CPA3: variants seen among roughly 807,000 people sequenced by gnomAD.
The protein encoded by CPA3 is carboxypeptidase A3, also known as mast cell carboxypeptidase A.
In CPA3, 52 loss-of-function variants were observed where a neutral mutation model predicts 55.8. That is an observed-to-expected ratio of 0.93 (90% CI 0.75 to 1.17). The LOEUF is 1.17. CPA3 is among the 50% of genes most tolerant of loss of function. The pLI is 0.00. For synonymous variants in CPA3, 179 were observed against 171.2 expected (o/e 1.05, Z -0.36); for missense variants, 547 against 509.1 (o/e 1.07, Z -0.72).
chr3:148,866,533 C>A lies in CPA3; in HGVS notation c.144+985C>A, dbSNP rs573571931. Among the ~76,000 whole-genome samples, 6 of 152,322 alleles carry A rather than the reference C, an allele frequency of 3.9e-5. No homozygotes were observed. In the South Asian group the frequency reaches 1.2e-3, roughly 32 times the overall value. On this transcript the variant is annotated intron_variant, in intron 2 of 10. Coordinates refer to ENST00000296046, the MANE Select transcript of CPA3 (RefSeq NM_001870.4). ...GTCATTACTAAGAAGCAGCCTAGTA[C>A]GGAAAAAGCATTTTCTTCAAAGTCA...
intron 3 of CPA3, among the ~76,000 whole-genome samples, chr3:148,869,587 A>G (rs1714003222): frequency 6.6e-6 from 1 of 152,226 alleles, no homozygotes. Flanking sequence ...CAGAGAAAGC[A>G]CAAGCAGAGC....
At chr3:148,882,691 T>C in intron 8 of CPA3, 96 bp downstream of exon 8, 1 of 903,974 alleles carries the variant, frequency 1.1e-6, no homozygotes, top group Non-Finnish European at 1.8e-6. Flanking sequence ...AAAATAGTTA[T>C]GCTTTGAGTG....
At chr3:148,866,753 C>T (rs996280046) in intron 2 of CPA3, among the ~76,000 whole-genome samples, 3 of 151,942 alleles carry the variant, frequency 2.0e-5, no homozygotes, top group Non-Finnish European at 2.9e-5. Context: ...ACCATAGAAG[C>T]GTTTTTTGTT....
intron 2 of CPA3, among the ~76,000 whole-genome samples, chr3:148,868,364 T>C (rs1713964077): frequency 6.6e-6 from 1 of 152,132 alleles, no homozygotes; most frequent in Admixed American, 6.6e-5. Flanking sequence ...TGGACCCTCA[T>C]TTGCCCCATT....
chr3:148,868,888 T>C lies in CPA3; in HGVS notation c.145-27T>C, dbSNP rs1157004294. ...AAGTGTTGGGTAAGCAAATAAACTC[T>C]GACTAACATTGAGCTTATCTCTGCA... On this transcript the variant is annotated intron_variant, in intron 2 of 10. Transcript: ENST00000296046. 4 of 1,607,834 alleles carry C rather than the reference T, an allele frequency of 2.5e-6. No individual in the cohort carries two copies. In the Admixed American group the frequency reaches 5.0e-5, roughly 20 times the overall value.
At chr3:148,867,877 A>G (rs189729606) in intron 2 of CPA3, among the ~76,000 whole-genome samples, 11 of 152,218 alleles carry the variant, frequency 7.2e-5, no homozygotes, top group African/African-American at 2.6e-4. Context: ...AATCTTTTCA[A>G]TGTTTGCTTT....
At chr3:148,877,961 A>C (rs917624915) in intron 3 of CPA3, among the ~76,000 whole-genome samples, 1 of 152,206 alleles carries the variant, frequency 6.6e-6, no homozygotes, top group Non-Finnish European at 1.5e-5. Context: ...ATAGCAGTAC[A>C]ATACGAGCCA....
intron 2 of CPA3, among the ~76,000 whole-genome samples, chr3:148,866,921 T>C (rs987341741): frequency 6.6e-6 from 1 of 152,038 alleles, no homozygotes; most frequent in Admixed American, 6.5e-5. Context: ...CATCCCCGGC[T>C]AATTTTTGTG....
Position 148,878,025 on chromosome 3 carries a change from G to A in CPA3, c.270-416G>A, listed in dbSNP as rs544995198. On this transcript the variant is annotated intron_variant, in intron 3 of 10. Coordinates refer to ENST00000296046, the MANE Select transcript of CPA3 (RefSeq NM_001870.4). ...ACATTAAAAAAGTAAAAAGCAACAGGTAAAATTAACTGTAGCAATACATTT... is the reference window on the plus strand; with the variant it reads ...ACATTAAAAAAGTAAAAAGCAACAGATAAAATTAACTGTAGCAATACATTT... Among the ~76,000 whole-genome samples the A allele has an allele frequency of 2.0e-5, 3 of 152,188 alleles. No individual in the cohort carries two copies. The East Asian group carries it at 5.8e-4, about 29-fold the overall frequency.
intron 3 of CPA3, among the ~76,000 whole-genome samples, chr3:148,869,594 G>A (rs772784272): frequency 3.3e-5 from 5 of 152,084 alleles, no homozygotes; most frequent in South Asian, 2.1e-4. Flanking sequence ...AGCACAAGCA[G>A]AGCAGTAGAA....
chr3:148,869,450 A>G (rs1396578831), intron 3 of CPA3, among the ~76,000 whole-genome samples: 1 of 152,168 alleles, frequency 6.6e-6, no homozygotes, highest in Non-Finnish European at 1.5e-5. Context: ...CCTGATACAT[A>G]AAAGGAGACC....
intron 10 of CPA3, among the ~76,000 whole-genome samples, chr3:148,889,222 G>T (rs1437121616): frequency 1.3e-5 from 2 of 152,082 alleles, no homozygotes; most frequent in Non-Finnish European, 2.9e-5. Context: ...TGAGAAACAG[G>T]GTAGCAAAGC....
chr3:148,883,897 AAAG>A lies in CPA3; in HGVS notation c.981+85_981+87del, dbSNP rs1014635942. The A allele has an allele frequency of 3.1e-5, 31 of 1,013,308 alleles. No individual in the cohort carries two copies. In the African/African-American group the frequency reaches 4.7e-4, roughly 15 times the overall value. 62.8% of individuals were successfully genotyped at this position (1,013,308 alleles called of 1,614,324 possible). On this transcript the variant is annotated intron_variant, in intron 9 of 10. Transcript: ENST00000296046. ...GTTCTTCATTAACTTGGGTATGTTG[AAAG>A]AATTTCACATTTTAATGTCAAAGAA... is the stretch of plus-strand genomic sequence containing the variant.
At chr3:148,886,649 C>T (rs531362277) in intron 10 of CPA3, among the ~76,000 whole-genome samples, 1 of 152,080 alleles carries the variant, frequency 6.6e-6, no homozygotes, top group African/African-American at 2.4e-5. Context: ...GAGCTGTGAT[C>T]GTGCCACGGC....
At chr3:148,867,390 A>G (rs1023990670) in intron 2 of CPA3, among the ~76,000 whole-genome samples, 15 of 152,100 alleles carry the variant, frequency 9.9e-5, no homozygotes, top group Admixed American at 7.2e-4. Flanking sequence ...ATTGGTTAAC[A>G]TGTGGGAAAC....
At chr3:148,873,695 G>A (rs1714133185) in intron 3 of CPA3, among the ~76,000 whole-genome samples, 1 of 152,140 alleles carries the variant, frequency 6.6e-6, no homozygotes, top group Non-Finnish European at 1.5e-5. Flanking sequence ...CACAGCTACG[G>A]TGCTGATGTC....
intron 6 of CPA3, among the ~76,000 whole-genome samples, chr3:148,880,528 T>C (rs1040455113): frequency 3.9e-5 from 6 of 152,170 alleles, no homozygotes; most frequent in African/African-American, 1.4e-4. Context: ...GACTGGATTT[T>C]GCCATGTTGG....
At chr3:148,878,373 A>G (rs1160973772) in intron 3 of CPA3, 68 bp from the exon 4 acceptor site, 1 of 1,144,594 alleles carries the variant, frequency 8.7e-7, no homozygotes, top group Non-Finnish European at 1.3e-6. Context: ...AATTTCTGCA[A>G]ATGAAAGATA....
chr3:148,868,567 G>A (rs1303515164), intron 2 of CPA3, among the ~76,000 whole-genome samples: 6 of 151,930 alleles, frequency 3.9e-5, no homozygotes, highest in African/African-American at 1.5e-4. Flanking sequence ...TTTCCAATTA[G>A]AGGCAGATTC....
Sources: allele counts gnomAD v4.1 joint callset (sites outside exome capture counted in the v4.1 genomes callset), GRCh38; gene constraint gnomAD v4.1.1; transcripts MANE v1.5; gene names NCBI Gene and HGNC (gene_info 2026-07-23, HGNC 2026-07-21).